CTNNA3: variants seen among roughly 807,000 people sequenced by gnomAD.
CTNNA3 encodes catenin alpha-3.
CTNNA3 carries 76 observed loss-of-function variants against 95.7 expected under a neutral mutation model. The observed-to-expected ratio is 0.79, with a 90% CI of 0.66 to 0.96. CTNNA3 has a LOEUF of 0.96. Ranked by LOEUF, CTNNA3 falls within the 40% of genes least tolerant of loss-of-function variation. The pLI is 0.00. For missense variants in CTNNA3, 1,191 were observed against 1,089.8 expected (o/e 1.09, Z -1.31); for synonymous variants, 431 against 374.4 (o/e 1.15, Z -1.74).
chr10:66,867,096 C>A (rs536313549), intron 7 of CTNNA3, among the ~76,000 whole-genome samples: 1 of 150,622 alleles, frequency 6.6e-6, no homozygotes, highest in African/African-American at 2.5e-5. Flanking sequence ...TCCCTGGCCA[C>A]GTGGAACTGT....
chr10:66,665,686 A>G (rs145571501), intron 9 of CTNNA3, among the ~76,000 whole-genome samples: 115 of 152,308 alleles, frequency 7.6e-4, no homozygotes, highest in African/African-American at 2.7e-3. Flanking sequence ...TAAAGGCCTG[A>G]TGTTCTAAAA....
chr10:66,533,511 T>G (rs769239440), intron 10 of CTNNA3, among the ~76,000 whole-genome samples: 16 of 152,108 alleles, frequency 1.1e-4, no homozygotes, highest in Non-Finnish European at 1.9e-4. Context: ...CTCTTCTCAT[T>G]AACGAGATGT....
At chr10:67,231,232 A>G (rs1242940430) in intron 5 of CTNNA3, among the ~76,000 whole-genome samples, 1 of 152,224 alleles carries the variant, frequency 6.6e-6, no homozygotes, top group South Asian at 2.1e-4. Context: ...GCGCACAGAC[A>G]AACAGAAAGA....
intron 7 of CTNNA3, among the ~76,000 whole-genome samples, chr10:66,922,142 A>T (rs1278526130): frequency 6.6e-6 from 1 of 152,218 alleles, no homozygotes; most frequent in African/African-American, 2.4e-5. Context: ...CTTTAGATAC[A>T]TGACACTATT....
At chr10:66,081,737 G>C (rs1403349381) in intron 14 of CTNNA3, among the ~76,000 whole-genome samples, 1 of 152,146 alleles carries the variant, frequency 6.6e-6, no homozygotes, top group Non-Finnish European at 1.5e-5. Context: ...AAACACCACA[G>C]TAATTATTCT....
chr10:65,966,464 T>C (rs1298639534), intron 17 of CTNNA3, 148 bp downstream of exon 17: 2 of 549,810 alleles, frequency 3.6e-6, no homozygotes, highest in Non-Finnish European at 5.8e-6. Context: ...TTCTTGCTAG[T>C]TTAAATACAT....
chr10:66,787,630 G>A (rs1488371017), intron 7 of CTNNA3, among the ~76,000 whole-genome samples: 1 of 152,100 alleles, frequency 6.6e-6, no homozygotes, highest in African/African-American at 2.4e-5. Flanking sequence ...CCTGTAGTTC[G>A]AAGGGGAGGA....
intron 11 of CTNNA3, among the ~76,000 whole-genome samples, chr10:66,475,706 A>T (rs986642318): frequency 2.0e-5 from 3 of 152,072 alleles, no homozygotes; most frequent in Non-Finnish European, 4.4e-5. Flanking sequence ...TAAAAAGTCA[A>T]GAAACAAAAG....
intron 4 of CTNNA3, among the ~76,000 whole-genome samples, chr10:67,537,810 C>G (rs1427073742): frequency 6.6e-6 from 1 of 152,126 alleles, no homozygotes; most frequent in Non-Finnish European, 1.5e-5. Context: ...AAATATGAGA[C>G]AAATGAATCT....
At chr10:66,487,940 G>C (rs1196956941) in intron 11 of CTNNA3, among the ~76,000 whole-genome samples, 1 of 152,136 alleles carries the variant, frequency 6.6e-6, no homozygotes, top group Non-Finnish European at 1.5e-5. Flanking sequence ...GAATTAGCAA[G>C]GTAAGTGCCG....
intron 1 of CTNNA3, among the ~76,000 whole-genome samples, chr10:67,671,229 T>A (rs1187914465): frequency 1.3e-5 from 2 of 152,172 alleles, no homozygotes; most frequent in Non-Finnish European, 2.9e-5. Flanking sequence ...ATGTCTTCCT[T>A]AACCTGACTG....
chr10:66,794,889 T>C (rs202140935), intron 7 of CTNNA3, among the ~76,000 whole-genome samples: 3 of 4,532 alleles, frequency 6.6e-4, no homozygotes, highest in Non-Finnish European at 9.0e-4. Context: ...CACAAAACAA[T>C]TCCTTTGTTC....
At chr10:67,049,237 A>T (rs1032928388) in intron 7 of CTNNA3, among the ~76,000 whole-genome samples, 4 of 152,070 alleles carry the variant, frequency 2.6e-5, no homozygotes, top group Non-Finnish European at 5.9e-5. Context: ...TTATTTCCAT[A>T]TTGATCATGT....
At chr10:66,412,491 C>T (rs1486713360) in intron 11 of CTNNA3, among the ~76,000 whole-genome samples, 2 of 139,462 alleles carry the variant, frequency 1.4e-5, no homozygotes, top group African/African-American at 2.7e-5. Flanking sequence ...GACAGAGTCT[C>T]ACTCTGTGGC....
intron 9 of CTNNA3, among the ~76,000 whole-genome samples, chr10:66,719,131 T>C (rs938792456): frequency 4.6e-5 from 7 of 152,206 alleles, no homozygotes; most frequent in Admixed American, 2.0e-4. Flanking sequence ...CCTGTGATCT[T>C]ACGAACTTTG....
chr10:67,433,623 A>G (rs1210974970), intron 5 of CTNNA3, among the ~76,000 whole-genome samples: 1 of 152,082 alleles, frequency 6.6e-6, no homozygotes, highest in Non-Finnish European at 1.5e-5. Context: ...CACATTGAAC[A>G]TTTACAGTAA....
At position 66,919,803 on chromosome 10, in the gene CTNNA3, TA is replaced by T. The variant is rs201660826; in HGVS notation, c.1048-144280del. On this transcript the variant is annotated intron_variant, in intron 7 of 17. Coordinates refer to ENST00000433211, the MANE Select transcript of CTNNA3 (RefSeq NM_013266.4). ...ATATAATTACAAATGTAGACATGCA[TA>T]TGAGTATTCTAACTAGAAATGAAGA... 5.9e-3 allele frequency among the ~76,000 whole-genome samples: 897 copies of T among 152,280 alleles called. 4 individuals are homozygous for T. Among genetic ancestry groups the T allele is most frequent in the Non-Finnish European group, 7.2e-3 (490 of 68,026 alleles).
At position 66,776,623 on chromosome 10, in the gene CTNNA3, AT is replaced by A. The variant is rs549248092; in HGVS notation, c.1048-1100del. Among the ~76,000 whole-genome samples, 295 of 152,130 alleles carry A rather than the reference AT, an allele frequency of 1.9e-3. 1 individual carries two copies. The highest frequency in any genetic ancestry group is 0.017 in the Middle Eastern group (5 of 294). ...CCTTTACAGTAGCAATATTCCTATA[AT>A]TTTCTGTCTCTTCTCCCCAGTTCTT... On this transcript the variant is annotated intron_variant, in intron 7 of 17. Coordinates refer to ENST00000433211, the MANE Select transcript of CTNNA3 (RefSeq NM_013266.4).
intron 13 of CTNNA3, among the ~76,000 whole-genome samples, chr10:66,270,107 A>G (rs1381181154): frequency 6.6e-6 from 1 of 152,158 alleles, no homozygotes; most frequent in Non-Finnish European, 1.5e-5. Context: ...TTAACAAAGT[A>G]ACATCGCATG....
Sources: allele counts gnomAD v4.1 joint callset (sites outside exome capture counted in the v4.1 genomes callset), GRCh38; gene constraint gnomAD v4.1.1; transcripts MANE v1.5; gene names NCBI Gene and HGNC (gene_info 2026-07-23, HGNC 2026-07-21).